The following TIMMDC1 variants were observed in gnomAD, a reference collection of about 807,000 sequenced individuals.
TIMMDC1 encodes the protein translocase of inner mitochondrial membrane domain containing 1, also known as complex I assembly factor TIMMDC1, mitochondrial.
In TIMMDC1, 25 loss-of-function variants were observed where a neutral mutation model predicts 32.6. That is an observed-to-expected ratio of 0.77 (90% CI 0.56 to 1.07). The LOEUF is 1.07. TIMMDC1 is among the 50% of genes least tolerant of loss of function. TIMMDC1 has a pLI of 0.00. For missense variants in TIMMDC1, 329 were observed against 349.2 expected (o/e 0.94, Z 0.46); for synonymous variants, 130 against 127.6 (o/e 1.02, Z -0.13).
At chr3:119,504,953 C>G (rs1217305108) in intron 4 of TIMMDC1, among the ~76,000 whole-genome samples, 1 of 151,908 alleles carries the variant, frequency 6.6e-6, no homozygotes, top group African/African-American at 2.4e-5. Flanking sequence ...TGGCAGGTGC[C>G]TGTAATCCCA....
At chr3:119,502,066 G>A (rs891343284) in intron 2 of TIMMDC1, among the ~76,000 whole-genome samples, 6 of 152,024 alleles carry the variant, frequency 3.9e-5, no homozygotes, top group Non-Finnish European at 7.4e-5. Context: ...TAATTTATAA[G>A]TATTTTGAGT....
chr3:119,512,176 A>G (rs965998948), intron 4 of TIMMDC1, among the ~76,000 whole-genome samples: 4 of 152,248 alleles, frequency 2.6e-5, no homozygotes, highest in African/African-American at 9.6e-5. Flanking sequence ...CCTCCATGCA[A>G]TGGAACTAGG....
intron 4 of TIMMDC1, among the ~76,000 whole-genome samples, chr3:119,505,143 G>A (rs929797113): frequency 5.9e-5 from 9 of 151,470 alleles, no homozygotes; most frequent in African/African-American, 1.7e-4. Context: ...GTGAAGTAAC[G>A]TGTAGGTTAA....
At chr3:119,503,004 A>G (rs552324876) in intron 2 of TIMMDC1, among the ~76,000 whole-genome samples, 4 of 152,160 alleles carry the variant, frequency 2.6e-5, no homozygotes, top group Admixed American at 1.3e-4. Context: ...CCCTCTATTT[A>G]CATATTTATT....
chr3:119,511,495 GAAA>G (rs34000219), intron 4 of TIMMDC1, among the ~76,000 whole-genome samples: 23,446 of 150,300 alleles, frequency 0.16, 2,309 homozygotes, highest in East Asian at 0.28. Context: ...AAAGAAAAAA[GAAA>G]AAAAAATTTG....
At chr3:119,500,404 G>C (rs4687863) in intron 1 of TIMMDC1, 12 of 285,936 alleles carry the variant, frequency 4.2e-5, no homozygotes, top group Non-Finnish European at 7.1e-5. Context: ...GCTGTACCCA[G>C]CACTAAGAAA....
intron 6 of TIMMDC1, among the ~76,000 whole-genome samples, chr3:119,520,420 C>T (rs571577352): frequency 8.5e-5 from 13 of 152,144 alleles, no homozygotes; most frequent in Admixed American, 2.6e-4. Flanking sequence ...ACTGATACCA[C>T]GGACATAGTC....
intron 5 of TIMMDC1, 26 bp downstream of exon 5, chr3:119,513,745 A>C: frequency 1.0e-5 from 15 of 1,487,392 alleles, no homozygotes; most frequent in Non-Finnish European, 1.4e-5. Context: ...GTTTGGTTCT[A>C]AATTGGCACA....
chr3:119,506,330 C>T (rs1330954570), intron 4 of TIMMDC1, among the ~76,000 whole-genome samples: 1 of 152,124 alleles, frequency 6.6e-6, no homozygotes, highest in East Asian at 1.9e-4. Context: ...TGAGAACAGC[C>T]TGGGCAACAA....
At chr3:119,512,848 C>T (rs1248283898) in intron 4 of TIMMDC1, among the ~76,000 whole-genome samples, 1 of 152,152 alleles carries the variant, frequency 6.6e-6, no homozygotes, top group Non-Finnish European at 1.5e-5. Context: ...TCAAACAATT[C>T]TTGTGCCTCC....
chr3:119,519,355 C>T (rs139828123), intron 6 of TIMMDC1, among the ~76,000 whole-genome samples: 6 of 152,166 alleles, frequency 3.9e-5, no homozygotes, highest in African/African-American at 1.2e-4. Flanking sequence ...TATATACTGA[C>T]TACAAGAAAC....
chr3:119,503,526 C>G lies in TIMMDC1; in HGVS notation c.361-6C>G. ...TAGAACCTCACAGTTTTTTAATTAA[C>G]TTTAGCAATCTGCACATCGTGCTGC... On this transcript the variant is annotated splice_polypyrimidine_tract_variant and splice_region_variant and intron_variant, in intron 2 of 6. Transcript: ENST00000494664. The G allele has an allele frequency of 4.4e-6, 7 of 1,596,176 alleles. No homozygotes were observed. The highest frequency in any genetic ancestry group is 6.0e-6 in the Non-Finnish European group (7 of 1,173,678).
rs765959596 is a variant in TIMMDC1, at chr3:119,503,519, T to A, written c.361-13T>A. Reference sequence around the variant, plus strand: ...GGTGTCTTAGAACCTCACAGTTTTTTAATTAACTTTAGCAATCTGCACATC... The same window carrying A: ...GGTGTCTTAGAACCTCACAGTTTTTAAATTAACTTTAGCAATCTGCACATC... On this transcript the variant is annotated splice_polypyrimidine_tract_variant and intron_variant, in intron 2 of 6. Coordinates refer to ENST00000494664, the MANE Select transcript of TIMMDC1 (RefSeq NM_016589.4). 13 of 1,586,904 alleles carry A rather than the reference T, an allele frequency of 8.2e-6. No homozygotes were observed. The highest frequency in any genetic ancestry group is 3.3e-4 in the Middle Eastern group (2 of 5,996).
Position 119,513,650 on chromosome 3 carries a change from G to A in TIMMDC1, c.527G>A (p.Gly176Glu), listed in dbSNP as rs2081967987. ...SHFVIAGAVT[G>E]SLFRINVGLR... ...TCTTGTTTTTAAATAGCTGTCACGG[G>A]AAGTCTTTTTAGGATAAACGTAGGC... Residue 176 changes from glycine (G) to glutamate (E), a missense_variant, in exon 5 of 7, where the codon GGA (glycine) becomes GAA (glutamate). Gly to Glu is a moderately conservative substitution (Grantham distance 98, BLOSUM62 -2). Coordinates refer to ENST00000494664, the MANE Select transcript of TIMMDC1 (RefSeq NM_016589.4). 1.9e-6 allele frequency: 3 copies of A among 1,612,806 alleles called. No individual in the cohort carries two copies. The highest frequency in any genetic ancestry group is 2.5e-6 in the Non-Finnish European group (3 of 1,179,006).
chr3:119,516,490 A>G (rs947462829), intron 5 of TIMMDC1, among the ~76,000 whole-genome samples: 1 of 152,214 alleles, frequency 6.6e-6, no homozygotes, highest in Non-Finnish European at 1.5e-5. Context: ...TTCTTTAACC[A>G]TCTGTCAGTG....
rs2081865777 is a variant in TIMMDC1 at position 119,500,579 on chromosome 3, A to G, written c.195-116A>G. 6.8e-6 allele frequency: 6 copies of G among 876,514 alleles called. No homozygotes were observed. The Admixed American group carries it at 7.9e-5, about 12-fold the overall frequency. The allele number at this position is 876,514 out of a possible 1,614,324, so 54.3% of individuals were successfully genotyped here. On this transcript the variant is annotated intron_variant, in intron 1 of 6. Transcript: ENST00000494664. ...ACTGTTTAATTCATCTGAGAATTCTACCTATGATGAAAAATGTTGTGGTGG... is the reference window on the plus strand; with the variant it reads ...ACTGTTTAATTCATCTGAGAATTCTGCCTATGATGAAAAATGTTGTGGTGG...
rs1577105058 is a variant in TIMMDC1, at chr3:119,524,507, A to C, written c.*751A>C. On this transcript the variant is annotated 3_prime_UTR_variant, in exon 7 of 7. Coordinates refer to ENST00000494664, the MANE Select transcript of TIMMDC1 (RefSeq NM_016589.4). ...TAGACCTCTCTGCCCTACACTGAGAATATAGTTTTACACAGGAGCAAGGTT... is the reference window on the plus strand; with the variant it reads ...TAGACCTCTCTGCCCTACACTGAGACTATAGTTTTACACAGGAGCAAGGTT... 1 of 152,232 alleles carries C rather than the reference A, an allele frequency of 6.6e-6. No homozygotes were observed. Among genetic ancestry groups the C allele is most frequent in the East Asian group, 1.9e-4 (1 of 5,202 alleles). 9.4% of individuals were successfully genotyped at this position (152,232 alleles called of 1,614,324 possible).
chr3:119,509,709 G>A (rs530295824), intron 4 of TIMMDC1, among the ~76,000 whole-genome samples: 5 of 147,452 alleles, frequency 3.4e-5, no homozygotes, highest in Admixed American at 6.8e-5. Flanking sequence ...TTTTTGAGAC[G>A]GAATCTTGCT....
At chr3:119,504,201 A>C (rs529356073) in intron 4 of TIMMDC1, among the ~76,000 whole-genome samples, 180 bp downstream of exon 4, 1 of 152,360 alleles carries the variant, frequency 6.6e-6, no homozygotes, top group East Asian at 1.9e-4. Flanking sequence ...TCAATGGGCA[A>C]AACAGCAAGG....
Sources: gnomAD v4.1 joint callset for allele counts (sites outside exome capture counted in the v4.1 genomes callset) on GRCh38, gnomAD v4.1.1 for gene constraint, MANE v1.5 for transcripts, NCBI Gene and HGNC (gene_info 2026-07-23, HGNC 2026-07-21) for gene names.